SLC23A2: variants seen among roughly 807,000 people sequenced by gnomAD.
The protein encoded by SLC23A2 is Na(+)/L-ascorbic acid transporter 2.
SLC23A2 carries 36 observed loss-of-function variants against 73.3 expected under a neutral mutation model. The observed-to-expected ratio is 0.49, with a 90% confidence interval of 0.38 to 0.65. The LOEUF (loss-of-function observed/expected upper bound fraction) is 0.65, where lower values mean the gene tolerates loss of function less well. Ranked by LOEUF, SLC23A2 falls within the 30% of genes least tolerant of loss-of-function variation. SLC23A2 has a pLI of 0.00. For synonymous variants in SLC23A2, 343 were observed against 327.3 expected (o/e 1.05, Z -0.52); for missense variants, 507 against 841.6 (o/e 0.60, Z 4.92).
intron 8 of SLC23A2, among the ~76,000 whole-genome samples, chr20:4,884,469 G>C (rs984677804): frequency 1.3e-5 from 2 of 152,224 alleles, no homozygotes; most frequent in Admixed American, 6.5e-5. Context: ...GCTCCATCCA[G>C]TGAGCCACGA....
upstream of SLC23A2, among the ~76,000 whole-genome samples, chr20:5,005,039 A>AT (rs2088176284): frequency 6.6e-6 from 1 of 150,962 alleles, no homozygotes; most frequent in African/African-American, 2.4e-5. Flanking sequence ...AAATAAATAA[A>AT]AATTTAATAG....
rs949175920 is a variant in SLC23A2 at position 4,857,892 on chromosome 20, T to C, written c.1721-688A>G. On this transcript the variant is annotated intron_variant, in intron 16 of 16. Transcript: ENST00000338244. This position sits in a 1 kb window ranked among gnomAD's most constrained non-coding sequence, Gnocchi z 4.0. ...ACTGCAGTGAGCTGAGATCATGCCA[T>C]TGCACTCTAGCCTGGGCAACAGAGC... 2.0e-5 allele frequency among the ~76,000 whole-genome samples: 3 copies of C among 151,998 alleles called. No homozygotes were observed. The highest frequency in any genetic ancestry group is 6.6e-5 in the Admixed American group (1 of 15,252).
At chr20:4,925,006 C>G (rs1268331555) in intron 3 of SLC23A2, among the ~76,000 whole-genome samples, 1 of 151,708 alleles carries the variant, frequency 6.6e-6, no homozygotes, top group Admixed American at 6.6e-5. Flanking sequence ...TAGTTAAGAC[C>G]TTGTCTCTAC....
rs1440237097 is a variant in SLC23A2, at chr20:4,855,569, T to C, written c.*1403A>G. ...GGGAGCCTGTTGGCTGCTTTTCTTA[T>C]CACCTTTGGCAACCACCCTCACCTG... On this transcript the variant is annotated 3_prime_UTR_variant, in exon 17 of 17. Transcript: ENST00000338244. 6.6e-6 allele frequency: 1 copy of C among 152,538 alleles called. No individual in the cohort carries two copies. Among genetic ancestry groups the C allele is most frequent in the East Asian group, 1.9e-4 (1 of 5,194 alleles). The allele number at this position is 152,538 out of a possible 1,614,324, so 9.4% of individuals were successfully genotyped here.
rs1266990097 is a variant in SLC23A2, at chr20:4,962,173, GC to G, written c.-155+8619del. Among the ~76,000 whole-genome samples, 4 of 151,768 alleles carry G rather than the reference GC, an allele frequency of 2.6e-5. No homozygotes were observed. The East Asian group carries it at 7.7e-4, about 29-fold the overall frequency. ...AAAAAAAAAATCAAAGTCCAGCTGA[GC>G]CCAGAACTCATAATATGAAATAGAG... On this transcript the variant is annotated intron_variant, in intron 2 of 16. Coordinates refer to ENST00000338244, the MANE Select transcript of SLC23A2 (RefSeq NM_005116.6).
At chr20:4,903,442 A>G (rs1435162919) in intron 4 of SLC23A2, among the ~76,000 whole-genome samples, 1 of 152,218 alleles carries the variant, frequency 6.6e-6, no homozygotes, top group Non-Finnish European at 1.5e-5. Flanking sequence ...AATTTCTACA[A>G]TCATTTCTTG....
rs1195270268 is a variant in SLC23A2 at position 4,857,007 on chromosome 20, G to A, written c.1918C>T (p.Arg640Trp). Residue 640 changes from arginine to tryptophan, a missense_variant, in exon 17 of 17, where the codon CGG (arginine) becomes TGG (tryptophan). Transcript: ENST00000338244. This position sits in a 1 kb window ranked among gnomAD's most constrained non-coding sequence, Gnocchi z 4.0. The stretch of plus-strand genomic sequence containing the variant: ...GCCTGGGAGTCTTCATCTGAACTCC[G>A]GCTGTTGTCGCTCTTCCTGAGGCCT... ...WKGLRKSDNSRSSDEDSQATG is the reference protein window; with the variant it reads ...WKGLRKSDNSWSSDEDSQATG 1 of 1,614,088 alleles carries A rather than the reference G, an allele frequency of 6.2e-7. No individual in the cohort carries two copies. The highest frequency in any genetic ancestry group is 8.5e-7 in the Non-Finnish European group (1 of 1,179,978).
intron 9 of SLC23A2, among the ~76,000 whole-genome samples, chr20:4,881,952 G>A (rs1041492495): frequency 1.3e-5 from 2 of 151,576 alleles, no homozygotes; most frequent in African/African-American, 4.9e-5. Flanking sequence ...AAATTTTACT[G>A]TACTATACCT....
chr20:4,909,143 T>C (rs1403964041), intron 4 of SLC23A2, among the ~76,000 whole-genome samples: 2 of 152,198 alleles, frequency 1.3e-5, no homozygotes, highest in Admixed American at 1.3e-4. Flanking sequence ...GAAAGTGGTA[T>C]GGAATATACA....
chr20:4,915,053 T>A (rs1932277936), intron 3 of SLC23A2, among the ~76,000 whole-genome samples: 1 of 149,048 alleles, frequency 6.7e-6, no homozygotes, highest in Non-Finnish European at 1.5e-5. Context: ...CTAGCTGATG[T>A]ACTAATTAAA....
At chr20:4,913,059 G>A in intron 3 of SLC23A2, 81 bp from the exon 4 acceptor site, 1 of 872,400 alleles carries the variant, frequency 1.1e-6, no homozygotes. Flanking sequence ...AATTCTCCTG[G>A]TGAGTGCATG....
At chr20:4,910,700 T>A (rs553339279) in intron 4 of SLC23A2, among the ~76,000 whole-genome samples, 1 of 152,280 alleles carries the variant, frequency 6.6e-6, no homozygotes, top group Non-Finnish European at 1.5e-5. Flanking sequence ...CCTCCCAAAG[T>A]GCTGTGATTG....
intron 1 of SLC23A2, among the ~76,000 whole-genome samples, chr20:4,981,516 C>T (rs933317476): frequency 6.6e-6 from 1 of 152,148 alleles, no homozygotes; most frequent in Non-Finnish European, 1.5e-5. Context: ...TGGATGTGGC[C>T]AGCATCCGTA....
At chr20:4,941,873 G>A (rs1347904340) in intron 2 of SLC23A2, among the ~76,000 whole-genome samples, 20 of 152,144 alleles carry the variant, frequency 1.3e-4, no homozygotes, top group Non-Finnish European at 2.6e-4. Flanking sequence ...AAGATAGTAT[G>A]TACAGCATTA....
rs145655970 is a variant in SLC23A2 at position 4,946,142 on chromosome 20, T to A, written c.-154-13426A>T. ...TTTGTGGACTTAATTCTTTTAAGAG[T>A]TGGAAATGTTTTAAAGGAAGCCAGA... On this transcript the variant is annotated intron_variant, in intron 2 of 16. Transcript: ENST00000338244. Among the ~76,000 whole-genome samples the A allele has an allele frequency of 2.6e-5, 4 of 152,158 alleles. No homozygotes were observed. In the East Asian group the frequency reaches 7.7e-4, roughly 29 times the overall value.
At chr20:4,865,216 A>G (rs1211510961) in intron 13 of SLC23A2, among the ~76,000 whole-genome samples, 1 of 152,236 alleles carries the variant, frequency 6.6e-6, no homozygotes, top group African/African-American at 2.4e-5. Context: ...AAAGTCTTCA[A>G]CGGTGGTGCA....
chr20:4,959,503 A>G lies in SLC23A2; in HGVS notation c.-155+11290T>C, dbSNP rs150263020. ...AATAATGGCTTTATTTTTTATTTGTATTTATTTATTTTGAGACAAGGTCTC... is the reference window on the plus strand; with the variant it reads ...AATAATGGCTTTATTTTTTATTTGTGTTTATTTATTTTGAGACAAGGTCTC... On this transcript the variant is annotated intron_variant, in intron 2 of 16. Transcript: ENST00000338244. 3.6e-3 allele frequency among the ~76,000 whole-genome samples: 541 copies of G among 152,096 alleles called. 6 individuals are homozygous for G. The highest frequency in any genetic ancestry group is 0.012 in the African/African-American group (507 of 41,488).
chr20:4,867,923 G>A (rs761933675), intron 12 of SLC23A2, 48 bp from the exon 13 acceptor site: 1 of 1,095,126 alleles, frequency 9.1e-7, no homozygotes, highest in East Asian at 2.4e-5. Context: ...ATGGGATAAT[G>A]CATTCACTCT....
At chr20:4,903,244 T>C (rs1195225050) in intron 4 of SLC23A2, among the ~76,000 whole-genome samples, 2 of 152,320 alleles carry the variant, frequency 1.3e-5, no homozygotes, top group East Asian at 3.9e-4. Flanking sequence ...CATGGTTTTT[T>C]AAGCAAAAAT....
Sources: allele counts gnomAD v4.1 joint callset (sites outside exome capture counted in the v4.1 genomes callset), GRCh38; gene constraint gnomAD v4.1.1; non-coding constraint Gnocchi (gnomAD v3.1); transcripts MANE v1.5; gene names NCBI Gene and HGNC (gene_info 2026-07-23, HGNC 2026-07-21).